Variants in AMPD2 observed in about 807,000 individuals in gnomAD.
AMPD2 encodes adenosine monophosphate deaminase 2.
A neutral mutation model predicts 91.3 loss-of-function variants in AMPD2; 52 were observed. The observed-to-expected ratio is 0.57, with a 90% CI of 0.46 to 0.72. The LOEUF (loss-of-function observed/expected upper bound fraction) is 0.72, where lower values mean the gene tolerates loss of function less well. Ranked by LOEUF, AMPD2 falls within the 30% of genes least tolerant of loss-of-function variation. The pLI is 0.00. For missense variants in AMPD2, 822 were observed against 1,122.3 expected (o/e 0.73, Z 3.82); for synonymous variants, 455 against 456.4 (o/e 1.00, Z 0.04).
At position 109,627,450 on chromosome 1, in the gene AMPD2, A is replaced by G; in HGVS notation, c.882A>G (p.Pro294=). The G allele has an allele frequency of 6.2e-7, 1 of 1,614,056 alleles. No individual in the cohort carries two copies. Among genetic ancestry groups the G allele is most frequent in the Non-Finnish European group, 8.5e-7 (1 of 1,179,974 alleles). The change falls in exon 9 of 19, where the codon CCA becomes CCG. Residue 294 remains proline, a synonymous_variant. Transcript: ENST00000528667. The part of the protein sequence containing the change: ...PDEHCSEVEL[P]YPDLQEFVAD... ...CCAGTTGCTCAGAGGTGGAGCTGCC[A>G]TACCCTGACCTGCAGGAATTTGTGG...
In AMPD2 at chr1:109,631,269, TG is replaced by T. The variant is rs1250139388; in HGVS notation, c.*118del. On this transcript the variant is annotated 3_prime_UTR_variant, in exon 19 of 19. Coordinates refer to ENST00000528667, the MANE Select transcript of AMPD2 (RefSeq NM_001368809.2). ...CATTCTTCTCTGTCTCTGTCTTGCATGTCTCCTACCATGTCACTGTCCCTGG... is the reference window on the plus strand; with the variant it reads ...CATTCTTCTCTGTCTCTGTCTTGCATTCTCCTACCATGTCACTGTCCCTGG... 9.5e-7 allele frequency: 1 copy of T among 1,058,008 alleles called. No homozygotes were observed. Among genetic ancestry groups the T allele is most frequent in the Non-Finnish European group, 1.4e-6 (1 of 712,186 alleles). 65.5% of individuals were successfully genotyped at this position (1,058,008 alleles called of 1,614,324 possible). A position where few individuals can be genotyped will look rare whatever the true frequency, so the allele number is the denominator to read the frequency against.
chr1:109,628,090 C>T lies in AMPD2; in HGVS notation c.1088C>T (p.Thr363Ile). 1 of 1,613,236 alleles carries T rather than the reference C, an allele frequency of 6.2e-7. No individual in the cohort carries two copies. Among genetic ancestry groups the T allele is most frequent in the Non-Finnish European group, 8.5e-7 (1 of 1,179,516 alleles). The change falls in exon 11 of 19, where the codon ACC (threonine) becomes ATC (isoleucine). Residue 363 changes from threonine to isoleucine, a missense_variant. Thr to Ile is a moderately conservative substitution (Grantham distance 89). Coordinates refer to ENST00000528667, the MANE Select transcript of AMPD2 (RefSeq NM_001368809.2). The surrounding 1 kb of genome is among the most constrained non-coding windows in gnomAD (Gnocchi z 7.1). ...TGCCCTGTTCCATTCCAGGTGGACA[C>T]CCACATCCATGCCTCGTCCTGCATG... ...RDFYNIRKVD[T>I]HIHASSCMNQ...
Position 109,619,840 on chromosome 1 carries a change from G to A in AMPD2, c.-701G>A. On this transcript the variant is annotated 5_prime_UTR_variant, in exon 1 of 19. Transcript: ENST00000528667. ...GGGGCCAGGCGGGGGCGGGGCCAAG[G>A]GCCGCAGAGCCTGGCGCGGAGCCGG... is the stretch of plus-strand genomic sequence containing the variant. The A allele has an allele frequency of 4.9e-6, 1 of 203,170 alleles. No individual in the cohort carries two copies. The highest frequency in any genetic ancestry group is 1.0e-5 in the Non-Finnish European group (1 of 95,356). 12.6% of individuals were successfully genotyped at this position (203,170 alleles called of 1,614,324 possible). A position where few individuals can be genotyped will look rare whatever the true frequency, so the allele number is the denominator to read the frequency against.
At chr1:109,629,598 G>A (rs1441921245) in intron 15 of AMPD2, 108 bp downstream of exon 15, 4 of 1,484,150 alleles carry the variant, frequency 2.7e-6, no homozygotes, top group Non-Finnish European at 2.8e-6. Context: ...CCTGTTGCCT[G>A]GACTGGATGG....
In AMPD2 at chr1:109,627,172, C is replaced by A. The variant is rs780292944; in HGVS notation, c.719-3C>A. 5 of 1,612,674 alleles carry A rather than the reference C, an allele frequency of 3.1e-6. No homozygotes were observed. The Admixed American group carries it at 6.7e-5, about 22-fold the overall frequency. Reference sequence around the variant, plus strand: ...TCTGACTTTACCCTCCTCACCCCTGCAGATGCCCCGGTGCACCCCCCTGCG... The same window carrying A: ...TCTGACTTTACCCTCCTCACCCCTGAAGATGCCCCGGTGCACCCCCCTGCG... On this transcript the variant is annotated splice_polypyrimidine_tract_variant and splice_region_variant and intron_variant, in intron 7 of 18. Coordinates refer to ENST00000528667, the MANE Select transcript of AMPD2 (RefSeq NM_001368809.2).
At position 109,620,095 on chromosome 1, in the gene AMPD2, GC is replaced by G; in HGVS notation, c.-444del. The G allele has an allele frequency of 1.1e-6, 1 of 884,124 alleles. No homozygotes were observed. 54.8% of individuals were successfully genotyped at this position (884,124 alleles called of 1,614,324 possible). ...CGAGGTCTGCGGGAGTCCACCTCCG[GC>G]CAGCTGGCAATTTTGAAAGACTGCC... On this transcript the variant is annotated 5_prime_UTR_variant, in exon 1 of 19. Coordinates refer to ENST00000528667, the MANE Select transcript of AMPD2 (RefSeq NM_001368809.2).
At position 109,629,137 on chromosome 1, in the gene AMPD2, G is replaced by A. The variant is rs1469676328; in HGVS notation, c.1600G>A (p.Ala534Thr). The A allele has an allele frequency of 6.2e-7, 1 of 1,613,960 alleles. No homozygotes were observed. Among genetic ancestry groups the A allele is most frequent in the East Asian group, 2.2e-5 (1 of 44,866 alleles). Residue 534 changes from alanine to threonine, a missense_variant, in exon 14 of 19, where the codon GCC (alanine) becomes ACC (threonine). Transcript: ENST00000528667. ...TGTGTACCGTACCAAGGGCCAGCTG[G>A]CCAACTTCCAGGAGATGCTGGAGAA... is the stretch of plus-strand genomic sequence containing the variant. ...FDVYRTKGQLANFQEMLENIF... is the reference protein window; with the variant it reads ...FDVYRTKGQLTNFQEMLENIF...
chr1:109,621,419 GAA>G, intron 2 of AMPD2, 153 bp downstream of exon 2: 3 of 429,604 alleles, frequency 7.0e-6, no homozygotes, highest in African/African-American at 2.2e-5. Flanking sequence ...AGCCGGCTTG[GAA>G]GGTGGGGTGA....
intron 4 of AMPD2, 27 bp from the exon 5 acceptor site, chr1:109,626,133 C>T (rs1292551872): frequency 6.8e-6 from 11 of 1,613,674 alleles, no homozygotes; most frequent in Non-Finnish European, 9.3e-6. Flanking sequence ...CGGGATCTGC[C>T]TGACTTCTCA....
Position 109,625,701 on chromosome 1 carries a change from A to G in AMPD2, c.262A>G (p.Ser88Gly), listed in dbSNP as rs1444954641. Reference sequence around the variant, plus strand: ...CTCACTGGCTGAGAGCGAGCTCCGTAGTGCCCCGTATGAGTTCCCCGAGGA... The same window carrying G: ...CTCACTGGCTGAGAGCGAGCTCCGTGGTGCCCCGTATGAGTTCCCCGAGGA... Reference protein sequence around the residue: ...TRSLAESELRSAPYEFPEESP... With the variant: ...TRSLAESELRGAPYEFPEESP... The change falls in exon 4 of 19, where the codon AGT (serine) becomes GGT (glycine). Residue 88 changes from serine to glycine, a missense_variant. By Grantham distance (56) the Ser-to-Gly change is moderately conservative. This residue lies in a region of AMPD2 where 105 missense variants were observed against 125.0 expected (regional missense o/e 0.84). Transcript: ENST00000528667. This position sits in a 1 kb window ranked among gnomAD's most constrained non-coding sequence, Gnocchi z 4.0. 6.2e-7 allele frequency: 1 copy of G among 1,613,996 alleles called. No individual in the cohort carries two copies.
Position 109,628,875 on chromosome 1 carries a change from C to A in AMPD2, c.1571+69C>A. On this transcript the variant is annotated intron_variant, in intron 13 of 18. Coordinates refer to ENST00000528667, the MANE Select transcript of AMPD2 (RefSeq NM_001368809.2). The surrounding 1 kb of genome is among the most constrained non-coding windows in gnomAD (Gnocchi z 7.1). ...CAAGGGGTCAGGGCCTGCCTCCTGC[C>A]CTCCTAGGATGGCTGAGCCTCCCTT... The A allele has an allele frequency of 1.3e-6, 2 of 1,506,384 alleles. No homozygotes were observed. Among genetic ancestry groups the A allele is most frequent in the South Asian group, 1.3e-5 (1 of 78,702 alleles). 93.3% of individuals were successfully genotyped at this position (1,506,384 alleles called of 1,614,324 possible). A position where few individuals can be genotyped will look rare whatever the true frequency, so the allele number is the denominator to read the frequency against.
chr1:109,621,860 A>G (rs904387481), intron 2 of AMPD2, among the ~76,000 whole-genome samples: 4 of 152,220 alleles, frequency 2.6e-5, no homozygotes, highest in African/African-American at 9.7e-5. Context: ...GTCCTTGGTC[A>G]GGTCCGTGCA....
At chr1:109,629,054 G>A (rs1199182700) in intron 13 of AMPD2, 55 bp from the exon 14 acceptor site, 1 of 1,599,920 alleles carries the variant, frequency 6.3e-7, no homozygotes, top group Non-Finnish European at 8.5e-7. Flanking sequence ...TGGACCGCTG[G>A]GTTTCCTCCC....
rs1305021767 is a variant in AMPD2, at chr1:109,625,443, G to A, written c.222+10G>A. ...CAAGGAGATCGCCGAGGTATCACCT[G>A]GCACCACCCGCACCCTCACCCCGTG... On this transcript the variant is annotated intron_variant, in intron 3 of 18. Transcript: ENST00000528667. The surrounding 1 kb of genome is among the most constrained non-coding windows in gnomAD (Gnocchi z 4.0). 1 of 1,613,880 alleles carries A rather than the reference G, an allele frequency of 6.2e-7. No homozygotes were observed. Among genetic ancestry groups the A allele is most frequent in the Non-Finnish European group, 8.5e-7 (1 of 1,179,958 alleles).
In AMPD2 at chr1:109,625,331, G is replaced by T. The variant is rs950867870; in HGVS notation, c.120G>T (p.Pro40=). 6.2e-7 allele frequency: 1 copy of T among 1,613,034 alleles called. No homozygotes were observed. Among genetic ancestry groups the T allele is most frequent in the East Asian group, 2.2e-5 (1 of 44,860 alleles). Residue 40 remains proline, a synonymous_variant, in exon 3 of 19, where the codon CCG becomes CCT. Transcript: ENST00000528667. This position sits in a 1 kb window ranked among gnomAD's most constrained non-coding sequence, Gnocchi z 4.0. ...PEARGGLGAP[P]LQSARSLPGP... ...CTCGGGGTGGTCTGGGGGCCCCTCC[G>T]CTGCAGTCTGCCCGATCCCTGCCGG...
At chr1:109,620,492 G>A in intron 1 of AMPD2, 1 of 1,193,594 alleles carries the variant, frequency 8.4e-7, no homozygotes, top group African/African-American at 1.6e-5. Context: ...CCCAGACAAG[G>A]GGGTCTCCTG....
chr1:109,620,792 T>C (rs927033876), intron 1 of AMPD2, 122 bp from the exon 2 acceptor site: 29 of 1,323,506 alleles, frequency 2.2e-5, no homozygotes, highest in Non-Finnish European at 2.8e-5. Context: ...GCCTGGACTT[T>C]GGCTTCTTTG....
At position 109,629,867 on chromosome 1, in the gene AMPD2, C is replaced by T; in HGVS notation, c.1934C>T (p.Ser645Leu). 4 of 1,612,644 alleles carry T rather than the reference C, an allele frequency of 2.5e-6. No homozygotes were observed. The highest frequency in any genetic ancestry group is 3.4e-6 in the Non-Finnish European group (4 of 1,179,092). Residue 645 changes from serine (S) to leucine (L), a missense_variant, in exon 16 of 19, where the codon TCA (serine) becomes TTA (leucine). By Grantham distance (145) the Ser-to-Leu change is moderately radical. Coordinates refer to ENST00000528667, the MANE Select transcript of AMPD2 (RefSeq NM_001368809.2). The stretch of plus-strand genomic sequence containing the variant: ...GCTGGGCCCATCCACCACCTGGTGT[C>T]AGCCTTCATGCTGGCTGAGAACATT... ...GEAGPIHHLV[S>L]AFMLAENISH... is the part of the protein sequence containing the mutation.
Position 109,627,353 on chromosome 1 carries a change from G to T in AMPD2, c.860+37G>T. 2.5e-6 allele frequency: 4 copies of T among 1,612,522 alleles called. No homozygotes were observed. In the South Asian group the frequency reaches 4.4e-5, roughly 18 times the overall value. ...GTGGTGCATGTTGGGGGGATGCAGC[G>T]TGGGAGGTTGCGTTGGCTTGGGAGA... On this transcript the variant is annotated intron_variant, in intron 8 of 18. Transcript: ENST00000528667.
Sources: allele counts gnomAD v4.1 joint callset (sites outside exome capture counted in the v4.1 genomes callset), GRCh38; gene constraint gnomAD v4.1.1; regional missense constraint gnomAD v4.1.1; non-coding constraint Gnocchi (gnomAD v3.1); transcripts MANE v1.5; gene names NCBI Gene and HGNC (gene_info 2026-07-23, HGNC 2026-07-21).